The following GLG1 variants were observed in gnomAD, a reference collection of about 807,000 sequenced individuals.
The protein encoded by GLG1 is golgi glycoprotein 1.
Under a neutral mutation model 160.5 loss-of-function variants are expected in GLG1, and 38 were observed. The observed-to-expected ratio is 0.24, with a 90% CI of 0.18 to 0.31. The LOEUF (loss-of-function observed/expected upper bound fraction) is 0.31, where lower values mean the gene tolerates loss of function less well. GLG1 is among the 10% of genes least tolerant of loss of function. The pLI, the probability that GLG1 is intolerant of heterozygous loss-of-function variation, is 1.00. For missense variants in GLG1, 1,373 were observed against 1,505.2 expected, an observed-to-expected ratio of 0.91 and a Z score of 1.45; for synonymous variants, 644 against 543.4, an observed-to-expected ratio of 1.19 and a Z score of -2.57.
intron 12 of GLG1, among the ~76,000 whole-genome samples, chr16:74,475,289 T>A (rs982688164): frequency 2.0e-5 from 3 of 152,120 alleles, no homozygotes; most frequent in African/African-American, 7.2e-5. Flanking sequence ...CTATTTTCAA[T>A]CTGTGCTTTG....
At chr16:74,463,562 CGGAG>C in intron 19 of GLG1, 83 bp from the exon 20 acceptor site, 1 of 1,379,192 alleles carries the variant, frequency 7.3e-7, no homozygotes, top group Non-Finnish European at 1.0e-6. Context: ...TTTCTGGAGA[CGGAG>C]TCTCACCGTG....
intron 1 of GLG1, among the ~76,000 whole-genome samples, chr16:74,585,757 G>A (rs988835392): frequency 5.4e-5 from 8 of 149,402 alleles, no homozygotes; most frequent in African/African-American, 2.0e-4. Flanking sequence ...GACAAATAAA[G>A]TTTAGTTATC....
chr16:74,554,144 A>G (rs1428000267), intron 1 of GLG1, among the ~76,000 whole-genome samples: 1 of 152,214 alleles, frequency 6.6e-6, no homozygotes, highest in African/African-American at 2.4e-5. Flanking sequence ...GCACAAAATC[A>G]GTCAGGAAAA....
intron 2 of GLG1, among the ~76,000 whole-genome samples, chr16:74,529,241 T>G (rs1263389393): frequency 6.6e-6 from 1 of 152,100 alleles, no homozygotes; most frequent in Non-Finnish European, 1.5e-5. Context: ...GGTGCTGGGA[T>G]TACAGGCGTG....
At chr16:74,466,603 G>A (rs1466473841) in intron 18 of GLG1, among the ~76,000 whole-genome samples, 3 of 152,152 alleles carry the variant, frequency 2.0e-5, no homozygotes, top group Non-Finnish European at 4.4e-5. Context: ...AAAACTGAGG[G>A]AAAGGGGTAA....
In GLG1 at chr16:74,553,236, A is replaced by T. The variant is rs1376429064; in HGVS notation, c.439-21083T>A. Reference sequence around the variant, plus strand: ...CTCTGTCTCAAAAAAAAAAAAAAAAATTTTTTTTAAAGACAGGGTCTCGCT... The same window carrying T: ...CTCTGTCTCAAAAAAAAAAAAAAAATTTTTTTTTAAAGACAGGGTCTCGCT... On this transcript the variant is annotated intron_variant, in intron 1 of 25. Transcript: ENST00000422840. Among the ~76,000 whole-genome samples the T allele has an allele frequency of 3.5e-4, 46 of 133,162 alleles. 1 individual carries two copies. The highest frequency in any genetic ancestry group is 2.4e-4 in the South Asian group (1 of 4,248). 87.4% of individuals were successfully genotyped at this position (133,162 alleles called of 152,430 possible).
Position 74,606,906 on chromosome 16 carries a change from C to T in GLG1, c.189G>A (p.Leu63=). 12 of 1,605,212 alleles carry T rather than the reference C, an allele frequency of 7.5e-6. No homozygotes were observed. Among genetic ancestry groups the T allele is most frequent in the Non-Finnish European group, 1.0e-5 (12 of 1,177,546 alleles). Residue 63 remains leucine, a synonymous_variant, in exon 1 of 26, where the codon CTG becomes CTA. Transcript: ENST00000422840. The part of the protein sequence containing the change: ...AGGGGPAGQQ[L]PQLPQSSQLQ... The stretch of plus-strand genomic sequence containing the variant: ...GCTGCGATGACTGAGGCAGCTGGGG[C>T]AGCTGCTGACCCGCCGGGCCGCCGC...
At chr16:74,485,122 G>A (rs1247725954) in intron 9 of GLG1, among the ~76,000 whole-genome samples, 1 of 152,152 alleles carries the variant, frequency 6.6e-6, no homozygotes, top group African/African-American at 2.4e-5. Context: ...GCCCAGGCTG[G>A]TTTCAAACTC....
intron 1 of GLG1, among the ~76,000 whole-genome samples, chr16:74,549,479 G>A (rs958662233): frequency 1.3e-5 from 2 of 152,126 alleles, no homozygotes; most frequent in African/African-American, 4.8e-5. Context: ...GTAGAGACGG[G>A]GTTTCACTGT....
chr16:74,606,536 A>T (rs2143936586), intron 1 of GLG1, 121 bp downstream of exon 1: 4 of 776,980 alleles, frequency 5.1e-6, no homozygotes, highest in Middle Eastern at 3.8e-4. Context: ...AGAGGGAAGG[A>T]GCGAGTGCAG....
intron 1 of GLG1, among the ~76,000 whole-genome samples, chr16:74,570,303 T>C (rs2018789776): frequency 6.6e-6 from 1 of 152,180 alleles, no homozygotes. Context: ...TTTGTCTCTC[T>C]ACTGGTACCA....
At position 74,468,226 on chromosome 16, in the gene GLG1, CTTTTTTTTTTT is replaced by C. The variant is rs201829157; in HGVS notation, c.2437-389_2437-379del. On this transcript the variant is annotated intron_variant, in intron 17 of 25. Transcript: ENST00000422840. ...AACCAAATCTTCCAGCTTGAAATGT[CTTTTTTTTTTT>C]TTTTTTTTTTTTTTTTGGAGACAGA... is the stretch of plus-strand genomic sequence containing the variant. 42 of 83,322 alleles carry C rather than the reference CTTTTTTTTTTT, an allele frequency of 5.0e-4. No homozygotes were observed. In the East Asian group the frequency reaches 7.6e-3, roughly 15 times the overall value. 5.2% of individuals were successfully genotyped at this position (83,322 alleles called of 1,614,324 possible). A position where few individuals can be genotyped will look rare whatever the true frequency, so the allele number is the denominator to read the frequency against.
intron 1 of GLG1, among the ~76,000 whole-genome samples, chr16:74,576,432 G>C (rs2019006408): frequency 6.6e-6 from 1 of 152,248 alleles, no homozygotes; most frequent in East Asian, 1.9e-4. Context: ...ATATATTATA[G>C]TCTAAGACAC....
chr16:74,456,846 A>G (rs1221529317), intron 24 of GLG1, 91 bp from the exon 25 acceptor site: 10 of 794,608 alleles, frequency 1.3e-5, no homozygotes, highest in Non-Finnish European at 2.2e-5. Flanking sequence ...CACAACCACC[A>G]GAGAATTCAG....
chr16:74,494,432 A>C (rs185893928), intron 6 of GLG1, among the ~76,000 whole-genome samples: 1 of 117,240 alleles, frequency 8.5e-6, no homozygotes, highest in Admixed American at 1.0e-4. Context: ...TTTGAGACAG[A>C]GTCTCACTCT....
chr16:74,560,128 C>T (rs1281878467), intron 1 of GLG1, among the ~76,000 whole-genome samples: 9 of 152,092 alleles, frequency 5.9e-5, no homozygotes, highest in Non-Finnish European at 1.2e-4. Context: ...GGTGGGTCTA[C>T]GGTGCTGTTT....
At chr16:74,491,585 T>C (rs2015987076) in intron 7 of GLG1, among the ~76,000 whole-genome samples, 1 of 151,874 alleles carries the variant, frequency 6.6e-6, no homozygotes, top group Admixed American at 6.6e-5. Context: ...TTTAAGATAT[T>C]CACTATAAGC....
intron 1 of GLG1, chr16:74,563,176 A>T (rs1174749153): frequency 4.6e-5 from 7 of 152,192 alleles, no homozygotes; most frequent in Non-Finnish European, 1.0e-4. Context: ...CCAATGGGGC[A>T]CACTTTTATT....
intron 22 of GLG1, 53 bp downstream of exon 22, chr16:74,462,041 G>A: frequency 1.1e-6 from 1 of 916,144 alleles, no homozygotes; most frequent in Middle Eastern, 2.2e-4. Context: ...TTTCTCCAGT[G>A]GAAACTTCTC....
Sources: allele counts gnomAD v4.1 joint callset (sites outside exome capture counted in the v4.1 genomes callset), GRCh38; gene constraint gnomAD v4.1.1; transcripts MANE v1.5; gene names NCBI Gene and HGNC (gene_info 2026-07-23, HGNC 2026-07-21).